LRRC8C: variants seen among roughly 807,000 people sequenced by gnomAD.
LRRC8C encodes volume-regulated anion channel subunit LRRC8C.
A neutral mutation model predicts 55.3 loss-of-function variants in LRRC8C; 20 were observed. That is an observed-to-expected ratio of 0.36 (90% CI 0.25 to 0.53). The LOEUF (loss-of-function observed/expected upper bound fraction) is 0.53, where lower values mean the gene tolerates loss of function less well. Among genes scored for constraint, LRRC8C ranks in the 20% least tolerant of loss-of-function variants. The probability of loss-of-function intolerance (pLI) is 0.92; values close to 1 mark genes in which losing one functional copy is unlikely to be tolerated. For synonymous variants in LRRC8C, 376 were observed against 360.7 expected, an observed-to-expected ratio of 1.04 and a Z score of -0.48; for missense variants, 659 against 951.4, an observed-to-expected ratio of 0.69 and a Z score of 4.04.
intron 1 of LRRC8C, among the ~76,000 whole-genome samples, chr1:89,634,895 GTT>G (rs781174827): frequency 3.3e-5 from 5 of 152,138 alleles, no homozygotes; most frequent in Non-Finnish European, 7.4e-5. Flanking sequence ...ATGTAGGGCA[GTT>G]TTGCAAAGAT....
At chr1:89,663,231 A>T (rs1370777516) in intron 1 of LRRC8C, among the ~76,000 whole-genome samples, 1 of 152,122 alleles carries the variant, frequency 6.6e-6, no homozygotes, top group Admixed American at 6.5e-5. Flanking sequence ...ATTGATGGGC[A>T]TTTGGGTTGG....
intron 2 of LRRC8C, among the ~76,000 whole-genome samples, chr1:89,710,865 C>T (rs189478192): frequency 3.9e-5 from 6 of 152,228 alleles, no homozygotes; most frequent in Admixed American, 1.3e-4. Flanking sequence ...CAGGAAAATA[C>T]GAATATGGGC....
chr1:89,702,165 A>C (rs1244156648), intron 2 of LRRC8C, among the ~76,000 whole-genome samples: 1 of 152,172 alleles, frequency 6.6e-6, no homozygotes, highest in African/African-American at 2.4e-5. Context: ...GGAACATCCA[A>C]ATACCATGAT....
At chr1:89,677,822 G>T (rs1047276632) in intron 1 of LRRC8C, among the ~76,000 whole-genome samples, 4 of 152,108 alleles carry the variant, frequency 2.6e-5, no homozygotes, top group Non-Finnish European at 5.9e-5. Flanking sequence ...GAAATATTTT[G>T]TCATGAATGC....
At chr1:89,651,495 G>C (rs113807428) in intron 1 of LRRC8C, among the ~76,000 whole-genome samples, 1 of 148,456 alleles carries the variant, frequency 6.7e-6, no homozygotes, top group Non-Finnish European at 1.5e-5. Flanking sequence ...ATGAACCTGG[G>C]AGGTGGAGCT....
At chr1:89,700,436 G>A (rs552906382) in intron 2 of LRRC8C, among the ~76,000 whole-genome samples, 1 of 152,268 alleles carries the variant, frequency 6.6e-6, no homozygotes, top group African/African-American at 2.4e-5. Context: ...TTCCTATGAC[G>A]CTTAGCATGT....
At chr1:89,634,555 C>G (rs1023511433) in intron 1 of LRRC8C, among the ~76,000 whole-genome samples, 3 of 152,020 alleles carry the variant, frequency 2.0e-5, no homozygotes, top group Non-Finnish European at 4.4e-5. Flanking sequence ...GCCATTTAGA[C>G]GAAAAAGGAG....
intron 2 of LRRC8C, among the ~76,000 whole-genome samples, chr1:89,689,410 A>G (rs1416921228): frequency 6.6e-6 from 1 of 152,206 alleles, no homozygotes; most frequent in African/African-American, 2.4e-5. Context: ...ACATGTTTGA[A>G]GGATTTATGA....
At chr1:89,651,567 C>CAAAAAAAA (rs1179039674) in intron 1 of LRRC8C, among the ~76,000 whole-genome samples, 3 of 40,724 alleles carry the variant, frequency 7.4e-5, no homozygotes, top group Non-Finnish European at 1.6e-4. Context: ...GACTCTGTCT[C>CAAAAAAAA]AAAAAAAAAA....
the LRRC8C span, among the ~76,000 whole-genome samples, chr1:89,619,124 T>C: frequency 6.6e-6 from 1 of 152,222 alleles, no homozygotes; most frequent in Admixed American, 6.5e-5. Context: ...TCTTCCTGCA[T>C]GCGATTTCAG....
Position 89,714,588 on chromosome 1 carries a change from AGGTGCTGCCTTCCC to A in LRRC8C, c.2019_2032del (p.Val674ProfsTer16). ...CTGTCCTTTAGTCACAATAAAATAGAGGTGCTGCCTTCCCACCTCTTCCTATGCAACAAGATCCG... is the reference window on the plus strand; with the variant it reads ...CTGTCCTTTAGTCACAATAAAATAGAACCTCTTCCTATGCAACAAGATCCG... On this transcript the variant is annotated frameshift_variant, in exon 3 of 3. Transcript: ENST00000370454. LOFTEE classifies it high-confidence loss of function. The surrounding 1 kb of genome is among the most constrained non-coding windows in gnomAD (Gnocchi z 4.6). 6.2e-7 allele frequency: 1 copy of A among 1,614,120 alleles called. No individual in the cohort carries two copies. The highest frequency in any genetic ancestry group is 1.1e-5 in the South Asian group (1 of 91,068).
chr1:89,622,582 C>G, the LRRC8C span, among the ~76,000 whole-genome samples: 1 of 152,136 alleles, frequency 6.6e-6, no homozygotes, highest in African/African-American at 2.4e-5. Context: ...ATCCGCCCGC[C>G]TCGGCCTCCC....
At chr1:89,657,773 A>C (rs985351443) in intron 1 of LRRC8C, among the ~76,000 whole-genome samples, 1 of 151,340 alleles carries the variant, frequency 6.6e-6, no homozygotes, top group Non-Finnish European at 1.5e-5. Flanking sequence ...TGCTTAGTAT[A>C]ATGAAAAGTT....
intron 1 of LRRC8C, among the ~76,000 whole-genome samples, chr1:89,683,314 A>G (rs1458995843): frequency 6.6e-6 from 1 of 152,124 alleles, no homozygotes; most frequent in Non-Finnish European, 1.5e-5. Context: ...CATATGTTAC[A>G]AAATCATGCA....
At chr1:89,626,601 T>C in the LRRC8C span, 65 of 152,336 alleles carry the variant, frequency 4.3e-4, no homozygotes, top group African/African-American at 1.5e-3. Flanking sequence ...AGGAAAAGTT[T>C]GCTTTCTAGA....
chr1:89,644,203 C>G (rs1350531812), intron 1 of LRRC8C, among the ~76,000 whole-genome samples: 2 of 152,214 alleles, frequency 1.3e-5, no homozygotes, highest in African/African-American at 2.4e-5. Flanking sequence ...GAGACAAGGT[C>G]TCGCTCTATT....
intron 1 of LRRC8C, among the ~76,000 whole-genome samples, chr1:89,644,818 C>G (rs1656570358): frequency 6.6e-6 from 1 of 152,220 alleles, no homozygotes; most frequent in Non-Finnish European, 1.5e-5. Context: ...AACCCCTGAG[C>G]AGCAGGAAGC....
intron 1 of LRRC8C, among the ~76,000 whole-genome samples, chr1:89,672,275 C>T (rs919487387): frequency 6.6e-6 from 1 of 152,178 alleles, no homozygotes; most frequent in East Asian, 1.9e-4. Context: ...CAGGTCCTAA[C>T]ATATACTGTC....
intron 1 of LRRC8C, among the ~76,000 whole-genome samples, chr1:89,684,893 G>A (rs956429660): frequency 2.0e-5 from 3 of 152,160 alleles, no homozygotes; most frequent in African/African-American, 7.2e-5. Flanking sequence ...ATTCTGCATA[G>A]ATGTCAAGTA....
Sources: allele counts gnomAD v4.1 joint callset (sites outside exome capture counted in the v4.1 genomes callset), GRCh38; gene constraint gnomAD v4.1.1; non-coding constraint Gnocchi (gnomAD v3.1); transcripts MANE v1.5; gene names NCBI Gene and HGNC (gene_info 2026-07-23, HGNC 2026-07-21).